The following EEFSEC variants were observed in gnomAD, a reference collection of about 807,000 sequenced individuals.
EEFSEC encodes eukaryotic elongation factor, selenocysteine-tRNA specific, also known as selenocysteine-specific elongation factor.
A neutral mutation model predicts 42.1 loss-of-function variants in EEFSEC; 43 were observed. The ratio of observed to expected loss-of-function variants is 1.02; its 90% CI spans 0.80 to 1.32. EEFSEC has a LOEUF of 1.32. Ranked by LOEUF, EEFSEC falls within the 40% of genes most tolerant of loss-of-function variation. The pLI, the probability that EEFSEC is intolerant of heterozygous loss-of-function variation, is 0.00. For missense variants in EEFSEC, 745 were observed against 803.6 expected, an observed-to-expected ratio of 0.93 and a Z score of 0.88; for synonymous variants, 354 against 339.1, an observed-to-expected ratio of 1.04 and a Z score of -0.48.
intron 4 of EEFSEC, among the ~76,000 whole-genome samples, chr3:128,335,240 T>C (rs890505768): frequency 2.0e-5 from 3 of 152,188 alleles, no homozygotes; most frequent in Non-Finnish European, 2.9e-5. Flanking sequence ...GGAGGTTCCA[T>C]TCCAGTGCGG....
At chr3:128,275,472 G>A (rs923231209) in intron 4 of EEFSEC, among the ~76,000 whole-genome samples, 17 of 152,232 alleles carry the variant, frequency 1.1e-4, no homozygotes, top group South Asian at 4.1e-4. Flanking sequence ...CTGTTGATGC[G>A]TGTCATGTCG....
chr3:128,272,481 T>G (rs2066424517), intron 4 of EEFSEC, among the ~76,000 whole-genome samples: 2 of 152,140 alleles, frequency 1.3e-5, no homozygotes, highest in South Asian at 4.1e-4. Context: ...GGCTGGAGGT[T>G]TGCAGAGGCT....
chr3:128,373,246 T>C (rs2067673731), intron 6 of EEFSEC, among the ~76,000 whole-genome samples: 1 of 152,180 alleles, frequency 6.6e-6, no homozygotes, highest in Admixed American at 6.5e-5. Context: ...CAGTGGAGTG[T>C]GGAGTTCCGT....
chr3:128,325,787 G>A (rs1431954335), intron 4 of EEFSEC, among the ~76,000 whole-genome samples: 2 of 152,160 alleles, frequency 1.3e-5, no homozygotes, highest in Non-Finnish European at 2.9e-5. Flanking sequence ...CAGTATTACA[G>A]AGAAAACATT....
intron 6 of EEFSEC, among the ~76,000 whole-genome samples, chr3:128,383,423 A>G (rs1233834595): frequency 6.6e-6 from 1 of 152,264 alleles, no homozygotes; most frequent in Non-Finnish European, 1.5e-5. Flanking sequence ...CGCTGTTCTA[A>G]GCACTTTCTG....
chr3:128,383,201 G>T (rs1057061997), intron 6 of EEFSEC, among the ~76,000 whole-genome samples: 1 of 152,114 alleles, frequency 6.6e-6, no homozygotes, highest in African/African-American at 2.4e-5. Flanking sequence ...TAGCACTATC[G>T]GAAACTTTCT....
chr3:128,394,486 AT>A (rs35454237), intron 6 of EEFSEC, among the ~76,000 whole-genome samples: 28 of 151,030 alleles, frequency 1.9e-4, no homozygotes, highest in East Asian at 1.2e-3. Context: ...TAATATGTGG[AT>A]TTTTTTTTTA....
intron 4 of EEFSEC, among the ~76,000 whole-genome samples, chr3:128,283,149 T>TG (rs1396254672): frequency 6.6e-6 from 1 of 152,224 alleles, no homozygotes; most frequent in Non-Finnish European, 1.5e-5. Flanking sequence ...CTTGCCCCTT[T>TG]GGGGCCCTGT....
chr3:128,273,278 G>T (rs1441852349), intron 4 of EEFSEC, among the ~76,000 whole-genome samples: 1 of 152,174 alleles, frequency 6.6e-6, no homozygotes, highest in Non-Finnish European at 1.5e-5. Context: ...CAGCCAAGTT[G>T]TAATATCCTG....
At chr3:128,173,606 A>C (rs948352309) in intron 1 of EEFSEC, among the ~76,000 whole-genome samples, 1 of 152,210 alleles carries the variant, frequency 6.6e-6, no homozygotes, top group African/African-American at 2.4e-5. Context: ...TCCTTCCACA[A>C]GCATTGCAGG....
At chr3:128,344,769 T>A (rs1467891916) in intron 5 of EEFSEC, among the ~76,000 whole-genome samples, 1 of 152,246 alleles carries the variant, frequency 6.6e-6, no homozygotes. Context: ...CTGTACGCCT[T>A]GGGCAGCCAT....
chr3:128,350,897 C>T (rs573221165), intron 5 of EEFSEC, among the ~76,000 whole-genome samples: 27 of 152,270 alleles, frequency 1.8e-4, no homozygotes, highest in African/African-American at 4.8e-4. Flanking sequence ...AGACACTGTC[C>T]GTGGGGAAAG....
intron 1 of EEFSEC, among the ~76,000 whole-genome samples, chr3:128,168,782 T>C (rs2065266250): frequency 1.3e-5 from 2 of 152,238 alleles, no homozygotes; most frequent in African/African-American, 4.8e-5. Context: ...CCTTGCTGGT[T>C]CTGTCACTTA....
intron 6 of EEFSEC, among the ~76,000 whole-genome samples, chr3:128,386,518 G>C (rs1044163630): frequency 6.6e-6 from 1 of 152,128 alleles, no homozygotes; most frequent in South Asian, 2.1e-4. Flanking sequence ...CCACAGCTGA[G>C]GGTAGTGAGG....
At chr3:128,241,579 A>G (rs1314179038) in intron 1 of EEFSEC, among the ~76,000 whole-genome samples, 3 of 152,190 alleles carry the variant, frequency 2.0e-5, no homozygotes, top group Non-Finnish European at 4.4e-5. Flanking sequence ...TCCTGAGCTC[A>G]AGTGATCTGC....
At chr3:128,378,967 G>A (rs2067741472) in intron 6 of EEFSEC, among the ~76,000 whole-genome samples, 1 of 152,220 alleles carries the variant, frequency 6.6e-6, no homozygotes, top group Admixed American at 6.5e-5. Flanking sequence ...AAACAGCTTG[G>A]TTGGGAGAAA....
chr3:128,204,470 C>T (rs1470595788), intron 1 of EEFSEC, among the ~76,000 whole-genome samples: 1 of 152,064 alleles, frequency 6.6e-6, no homozygotes, highest in East Asian at 1.9e-4. Context: ...TTTAGCTTGC[C>T]GTAAGATTAG....
chr3:128,318,728 G>C (rs531519451), intron 4 of EEFSEC, among the ~76,000 whole-genome samples: 1 of 152,064 alleles, frequency 6.6e-6, no homozygotes, highest in African/African-American at 2.4e-5. Context: ...TTCTGGTCTT[G>C]CCTGGAGTGT....
chr3:128,391,920 CCT>C (rs2067917952), intron 6 of EEFSEC, among the ~76,000 whole-genome samples: 1 of 152,172 alleles, frequency 6.6e-6, no homozygotes, highest in African/African-American at 2.4e-5. Context: ...CCATGGATGC[CCT>C]GTGGGGGCCA....
Sources: allele counts gnomAD v4.1 joint callset (sites outside exome capture counted in the v4.1 genomes callset), GRCh38; gene constraint gnomAD v4.1.1; transcripts MANE v1.5; gene names NCBI Gene and HGNC (gene_info 2026-07-23, HGNC 2026-07-21).